The following MKLN1 variants were observed in gnomAD, a reference collection of about 807,000 sequenced individuals.
MKLN1 encodes muskelin 1.
A neutral mutation model predicts 99.0 loss-of-function variants in MKLN1; 18 were observed. The observed-to-expected ratio is 0.18, with a 90% CI of 0.13 to 0.27. MKLN1 has a LOEUF of 0.27. MKLN1 is among the 10% of genes least tolerant of loss of function. The pLI, the probability that MKLN1 is intolerant of heterozygous loss-of-function variation, is 1.00. For synonymous variants in MKLN1, 288 were observed against 293.2 expected (o/e 0.98, Z 0.18); for missense variants, 621 against 875.9 (o/e 0.71, Z 3.67).
intron 3 of MKLN1, among the ~76,000 whole-genome samples, chr7:131,285,611 ATTCTT>A (rs1166402531): frequency 6.6e-6 from 1 of 152,222 alleles, no homozygotes; most frequent in Non-Finnish European, 1.5e-5. Context: ...AGAAGTCAGC[ATTCTT>A]TTCTTCTCTT....
intron 2 of MKLN1, among the ~76,000 whole-genome samples, chr7:131,150,458 G>C (rs1280804837): frequency 6.6e-6 from 1 of 152,046 alleles, no homozygotes; most frequent in Non-Finnish European, 1.5e-5. Context: ...CTGCACTCCA[G>C]CTTGGGTGAC....
intron 3 of MKLN1, among the ~76,000 whole-genome samples, chr7:131,254,613 G>C (rs1797630832): frequency 6.6e-6 from 1 of 151,822 alleles, no homozygotes; most frequent in African/African-American, 2.4e-5. Context: ...TTTTAAAAAA[G>C]AACCTAATAG....
intron 1 of MKLN1, among the ~76,000 whole-genome samples, chr7:131,136,317 T>C: frequency 6.6e-6 from 1 of 152,178 alleles, no homozygotes; most frequent in East Asian, 1.9e-4. Flanking sequence ...CCATCCAACA[T>C]AGTGTATTTG....
chr7:131,333,712 A>G (rs1239131197), intron 1 of MKLN1, among the ~76,000 whole-genome samples: 2 of 151,888 alleles, frequency 1.3e-5, no homozygotes, highest in Non-Finnish European at 2.9e-5. Context: ...AATTTTTTGT[A>G]TTTTTAGTAG....
chr7:131,227,501 C>CTTTCTTTCTTTCTT (rs1563259338), intron 3 of MKLN1, among the ~76,000 whole-genome samples: 2 of 128,110 alleles, frequency 1.6e-5, no homozygotes, highest in Non-Finnish European at 3.3e-5. Flanking sequence ...CTTTCTCTTT[C>CTTTCTTTCTTTCTT]TTTCTTTCTT....
intron 17 of MKLN1, among the ~76,000 whole-genome samples, chr7:131,482,565 A>G (rs1296698711): frequency 1.3e-5 from 2 of 152,230 alleles, no homozygotes. Context: ...TACCACAAGT[A>G]GGAAAATCCA....
At chr7:131,159,737 A>G (rs1796019851) in intron 2 of MKLN1, among the ~76,000 whole-genome samples, 1 of 152,244 alleles carries the variant, frequency 6.6e-6, no homozygotes, top group African/African-American at 2.4e-5. Flanking sequence ...CATGTACCCC[A>G]ACAATATGTA....
intron 3 of MKLN1, among the ~76,000 whole-genome samples, chr7:131,250,543 C>T (rs10248655): frequency 0.055 from 8,377 of 152,106 alleles, 470 homozygotes; most frequent in South Asian, 0.26. Context: ...ATGTGGTGTA[C>T]GCAGGAGGGA....
chr7:131,480,077 C>G (rs1319378698), intron 17 of MKLN1, among the ~76,000 whole-genome samples: 4 of 149,850 alleles, frequency 2.7e-5, no homozygotes, highest in Non-Finnish European at 4.4e-5. Flanking sequence ...GTCTCTAGAA[C>G]CCAGACCTTT....
chr7:131,242,255 G>T (rs1354863977), intron 3 of MKLN1, among the ~76,000 whole-genome samples: 2 of 152,154 alleles, frequency 1.3e-5, no homozygotes, highest in African/African-American at 2.4e-5. Flanking sequence ...TTCACAGCTG[G>T]CTAGGTATGG....
intron 3 of MKLN1, among the ~76,000 whole-genome samples, chr7:131,266,173 C>CAAAAA (rs35332093): frequency 2.5e-4 from 22 of 86,532 alleles, no homozygotes; most frequent in East Asian, 3.4e-4. Context: ...GACTGCATCT[C>CAAAAA]AAAAAAAAAA....
intron 2 of MKLN1, among the ~76,000 whole-genome samples, chr7:131,376,816 T>C (rs948628399): frequency 3.3e-5 from 5 of 151,852 alleles, no homozygotes; most frequent in Non-Finnish European, 7.4e-5. Flanking sequence ...GTAACTATAA[T>C]TGATGTTTTA....
chr7:131,390,056 ACATAGT>A (rs1234756625), intron 4 of MKLN1, among the ~76,000 whole-genome samples: 1 of 152,158 alleles, frequency 6.6e-6, no homozygotes, highest in African/African-American at 2.4e-5. Flanking sequence ...TTTGGAGCAA[ACATAGT>A]CATTGTTTGC....
chr7:131,160,359 A>C (rs1796028467), intron 2 of MKLN1, among the ~76,000 whole-genome samples: 1 of 151,936 alleles, frequency 6.6e-6, no homozygotes, highest in African/African-American at 2.4e-5. Context: ...GCTATTGTAA[A>C]TAATGCTGCT....
chr7:131,465,522 A>G (rs1408210066), intron 14 of MKLN1, among the ~76,000 whole-genome samples: 2 of 152,194 alleles, frequency 1.3e-5, no homozygotes, highest in Non-Finnish European at 2.9e-5. Flanking sequence ...ATTTCAGTTA[A>G]AGCAAAATTA....
At chr7:131,121,107 G>C (rs570933491) in intron 1 of MKLN1, among the ~76,000 whole-genome samples, 1 of 152,290 alleles carries the variant, frequency 6.6e-6, no homozygotes, top group South Asian at 2.1e-4. Flanking sequence ...AGGCAAAGGG[G>C]AAGCAAACGC....
intron 1 of MKLN1, 35 bp from the exon 2 acceptor site, chr7:131,375,389 G>A (rs1197556468): frequency 7.1e-7 from 1 of 1,399,358 alleles, no homozygotes; most frequent in Non-Finnish European, 1.0e-6. Context: ...GCCTATTCAT[G>A]TTCTCTTAAT....
intron 1 of MKLN1, among the ~76,000 whole-genome samples, chr7:131,356,840 A>G (rs1799899248): frequency 6.6e-6 from 1 of 152,172 alleles, no homozygotes; most frequent in Non-Finnish European, 1.5e-5. Context: ...GTCTGCCACA[A>G]CTTCAGTTCT....
chr7:131,292,967 G>A (rs1798243454), intron 3 of MKLN1, among the ~76,000 whole-genome samples: 1 of 152,180 alleles, frequency 6.6e-6, no homozygotes, highest in Admixed American at 6.5e-5. Context: ...GCAGTAAGAG[G>A]TACACAATAT....
Sources: allele counts gnomAD v4.1 joint callset (sites outside exome capture counted in the v4.1 genomes callset), GRCh38; gene constraint gnomAD v4.1.1; transcripts MANE v1.5; gene names NCBI Gene and HGNC (gene_info 2026-07-23, HGNC 2026-07-21).